Variants in CSMD1 observed in about 807,000 individuals in gnomAD.
CSMD1 encodes the protein CUB and Sushi multiple domains 1, also known as CUB and sushi domain-containing protein 1.
CSMD1 carries 213 observed loss-of-function variants against 417.5 expected under a neutral mutation model. The observed-to-expected ratio is 0.51, with a 90% CI of 0.46 to 0.57. The LOEUF (loss-of-function observed/expected upper bound fraction) is 0.57. CSMD1 is among the 20% of genes least tolerant of loss of function. The pLI is 0.00. For synonymous variants in CSMD1, 2,862 were observed against 1,736.8 expected, an observed-to-expected ratio of 1.65 and a Z score of -16.11; for missense variants, 6,923 against 4,529.7, an observed-to-expected ratio of 1.53 and a Z score of -15.17.
At chr8:4,264,381 A>C (rs918861045) in intron 3 of CSMD1, among the ~76,000 whole-genome samples, 16 of 152,212 alleles carry the variant, frequency 1.1e-4, no homozygotes, top group African/African-American at 2.7e-4. Context: ...TTTAGAAGAT[A>C]ATACAAGAAA....
At chr8:3,581,881 T>G (rs895413369) in intron 9 of CSMD1, among the ~76,000 whole-genome samples, 5 of 152,220 alleles carry the variant, frequency 3.3e-5, no homozygotes, top group African/African-American at 4.8e-5. Context: ...CTCTGCTTAC[T>G]GCAACCGCCA....
chr8:4,295,896 T>C (rs891790637), intron 3 of CSMD1, among the ~76,000 whole-genome samples: 3 of 150,996 alleles, frequency 2.0e-5, no homozygotes, highest in African/African-American at 2.4e-5. Flanking sequence ...CTTTTCTCCA[T>C]TGCCTGCTTC....
At chr8:4,076,176 G>A (rs895055690) in intron 3 of CSMD1, among the ~76,000 whole-genome samples, 3 of 152,138 alleles carry the variant, frequency 2.0e-5, no homozygotes, top group African/African-American at 4.8e-5. Context: ...GTGTTCTCAC[G>A]ACAGTGAGTG....
At chr8:3,196,772 T>G (rs1452204834) in intron 33 of CSMD1, among the ~76,000 whole-genome samples, 1 of 152,170 alleles carries the variant, frequency 6.6e-6, no homozygotes, top group Non-Finnish European at 1.5e-5. Flanking sequence ...GTCTCCATAC[T>G]GCTCCTTCCA....
At chr8:3,601,501 T>C (rs1486384240) in intron 8 of CSMD1, among the ~76,000 whole-genome samples, 1 of 152,208 alleles carries the variant, frequency 6.6e-6, no homozygotes, top group African/African-American at 2.4e-5. Context: ...GGCAGGCCAA[T>C]GGTTACCAAC....
At chr8:3,828,573 C>T (rs1346166473) in intron 5 of CSMD1, among the ~76,000 whole-genome samples, 3 of 152,306 alleles carry the variant, frequency 2.0e-5, no homozygotes, top group African/African-American at 7.2e-5. Flanking sequence ...GTCGTATTGA[C>T]TCTCTCTGCA....
chr8:3,318,496 A>G (rs181922778), intron 23 of CSMD1, among the ~76,000 whole-genome samples: 2 of 152,194 alleles, frequency 1.3e-5, no homozygotes, highest in East Asian at 3.9e-4. Context: ...TAGATAAAAG[A>G]TAACATATAA....
At chr8:4,217,630 G>C (rs559480835) in intron 3 of CSMD1, among the ~76,000 whole-genome samples, 1 of 148,508 alleles carries the variant, frequency 6.7e-6, no homozygotes, top group East Asian at 2.0e-4. Flanking sequence ...AGAAACTGTT[G>C]AAAAAGTTGA....
intron 52 of CSMD1, among the ~76,000 whole-genome samples, chr8:3,001,398 T>C (rs1377406686): frequency 6.6e-6 from 1 of 152,100 alleles, no homozygotes; most frequent in Non-Finnish European, 1.5e-5. Context: ...CTTCCTCGCA[T>C]ATATGGAAAG....
At chr8:4,446,496 G>A (rs1326914608) in intron 2 of CSMD1, among the ~76,000 whole-genome samples, 1 of 152,152 alleles carries the variant, frequency 6.6e-6, no homozygotes, top group Non-Finnish European at 1.5e-5. Flanking sequence ...GCAGGGATCT[G>A]TGATCAGGCC....
At chr8:4,379,265 A>G (rs1468727121) in intron 3 of CSMD1, among the ~76,000 whole-genome samples, 1 of 152,220 alleles carries the variant, frequency 6.6e-6, no homozygotes, top group East Asian at 1.9e-4. Flanking sequence ...TTTTTAAAAA[A>G]TAGGTGACCA....
intron 10 of CSMD1, among the ~76,000 whole-genome samples, chr8:3,522,987 C>T (rs1026795079): frequency 4.8e-5 from 7 of 145,942 alleles, no homozygotes; most frequent in African/African-American, 1.8e-4. Context: ...TATATACATA[C>T]AAAATGGAGA....
At chr8:4,051,117 A>G (rs1798401457) in intron 3 of CSMD1, among the ~76,000 whole-genome samples, 1 of 151,954 alleles carries the variant, frequency 6.6e-6, no homozygotes, top group Non-Finnish European at 1.5e-5. Context: ...GAGAACCAGG[A>G]AAAAGAAAAG....
intron 3 of CSMD1, among the ~76,000 whole-genome samples, chr8:4,326,126 C>T (rs1211855183): frequency 1.3e-5 from 2 of 152,122 alleles, no homozygotes; most frequent in Non-Finnish European, 2.9e-5. Flanking sequence ...CTACCGTCAG[C>T]GTTTCTGAAA....
intron 18 of CSMD1, among the ~76,000 whole-genome samples, chr8:3,380,233 G>A (rs942427209): frequency 1.3e-5 from 2 of 152,266 alleles, no homozygotes; most frequent in Admixed American, 6.5e-5. Flanking sequence ...AAAAAGTCAG[G>A]AAACAACAGA....
chr8:4,433,450 C>G (rs751692483), intron 2 of CSMD1, among the ~76,000 whole-genome samples: 1 of 152,090 alleles, frequency 6.6e-6, no homozygotes, highest in East Asian at 1.9e-4. Context: ...AAGGCAATTC[C>G]CTGCGAGGTC....
At chr8:4,542,029 G>T (rs1343632716) in intron 2 of CSMD1, among the ~76,000 whole-genome samples, 3 of 152,130 alleles carry the variant, frequency 2.0e-5, no homozygotes, top group Admixed American at 2.0e-4. Context: ...TGAAGCAAAT[G>T]TGGTCCCAGA....
intron 3 of CSMD1, among the ~76,000 whole-genome samples, chr8:4,212,974 G>T (rs146833528): frequency 2.5e-4 from 38 of 152,088 alleles, no homozygotes; most frequent in African/African-American, 9.2e-4. Context: ...AACACCTAGC[G>T]TTGGCTTCCA....
chr8:4,211,133 G>A (rs1195427968), intron 3 of CSMD1, among the ~76,000 whole-genome samples: 1 of 151,688 alleles, frequency 6.6e-6, no homozygotes, highest in Non-Finnish European at 1.5e-5. Context: ...CCTGAAATGT[G>A]TGTTCTAATC....
Sources: allele counts gnomAD v4.1 joint callset (sites outside exome capture counted in the v4.1 genomes callset), GRCh38; gene constraint gnomAD v4.1.1; transcripts MANE v1.5; gene names NCBI Gene and HGNC (gene_info 2026-07-23, HGNC 2026-07-21).